The following SET variants were observed in gnomAD, a reference collection of about 807,000 sequenced individuals.
The protein encoded by SET is protein SET.
Under a neutral mutation model 39.0 loss-of-function variants are expected in SET, and 4 were observed. That is an observed-to-expected ratio of 0.10 (90% CI 0.05 to 0.23). The LOEUF (loss-of-function observed/expected upper bound fraction) is 0.23. Ranked by LOEUF, SET falls within the 10% of genes least tolerant of loss-of-function variation. The pLI is 1.00. For missense variants in SET, 137 were observed against 329.7 expected, an observed-to-expected ratio of 0.42 and a Z score of 4.53; for synonymous variants, 114 against 115.9, an observed-to-expected ratio of 0.98 and a Z score of 0.11.
intron 3 of SET, chr9:128,692,282 C>G: frequency 3.2e-6 from 1 of 312,006 alleles, no homozygotes; most frequent in Non-Finnish European, 5.9e-6. Context: ...CCCAGCTACT[C>G]GCTACTTGGG....
rs1311290908 is a variant in SET at position 128,693,645 on chromosome 9, C to T, written c.500C>T (p.Thr167Met). 32 of 1,609,414 alleles carry T rather than the reference C, an allele frequency of 2.0e-5. No individual in the cohort carries two copies. The highest frequency in any genetic ancestry group is 4.4e-5 in the South Asian group (4 of 90,330). The change falls in exon 6 of 8, where the codon ACG becomes ATG. Residue 167 changes from threonine to methionine, a missense_variant. Thr to Met is a moderately conservative substitution (Grantham distance 81, BLOSUM62 -1). This residue lies in a region of SET where 59 missense variants were observed against 237.2 expected (regional missense o/e 0.25). Coordinates refer to ENST00000322030, the MANE Select transcript of SET (RefSeq NM_003011.4). ...CTTCCGGTATTCATTTAGGATTTGA[C>T]GAAACGTTCGAGTCAAACGCAGAAT... Reference protein sequence around the residue: ...EIKWKSGKDLTKRSSQTQNKA... With the variant: ...EIKWKSGKDLMKRSSQTQNKA...
At chr9:128,690,417 A>T (rs1026251209) in intron 1 of SET, 4 of 152,444 alleles carry the variant, frequency 2.6e-5, no homozygotes, top group Admixed American at 2.6e-4. Flanking sequence ...TGGCCCTTTC[A>T]CACCCACTTA....
intron 1 of SET, 169 bp from the exon 2 acceptor site, chr9:128,690,997 TTTAA>T (rs1426293699): frequency 1.3e-5 from 9 of 687,424 alleles, no homozygotes; most frequent in Middle Eastern, 2.6e-4. Flanking sequence ...TAAATGGTCT[TTTAA>T]TTAATTAAAA....
chr9:128,689,965 C>T (rs770143967), intron 1 of SET: 3 of 895,928 alleles, frequency 3.3e-6, no homozygotes, highest in Non-Finnish European at 4.0e-6. Flanking sequence ...TCCCGAGAAG[C>T]CTCTCTTTAT....
At chr9:128,683,923 C>T (rs944533515) in exon 1 of SET, 1 of 1,554,922 alleles carries the variant, frequency 6.4e-7, no homozygotes, top group Non-Finnish European at 8.7e-7. Context: ...GTCTCCACTC[C>T]CGCCTCAAAA....
In SET at chr9:128,689,278, T is replaced by G; in HGVS notation, c.-305T>G. 1 of 1,007,934 alleles carries G rather than the reference T, an allele frequency of 9.9e-7. No homozygotes were observed. Among genetic ancestry groups the G allele is most frequent in the Non-Finnish European group, 1.2e-6 (1 of 844,464 alleles). 62.4% of individuals were successfully genotyped at this position (1,007,934 alleles called of 1,614,324 possible). On this transcript the variant is annotated 5_prime_UTR_variant, in exon 1 of 8. Coordinates refer to ENST00000322030, the MANE Select transcript of SET (RefSeq NM_003011.4). Reference sequence around the variant, plus strand: ...CGGCTCGGGAGAGCGAGCAGCGAGCTGGCTGGATCGCCGAGCGCGAGTGAG... The same window carrying G: ...CGGCTCGGGAGAGCGAGCAGCGAGCGGGCTGGATCGCCGAGCGCGAGTGAG...
intron 3 of SET, chr9:128,692,397 CAAAA>C (rs58637669): frequency 6.8e-4 from 52 of 76,208 alleles, no homozygotes; most frequent in South Asian, 3.2e-3. Context: ...GAGACTGTTT[CAAAA>C]AAAAAAAAAA....
At position 128,692,738 on chromosome 9, in the gene SET, T is replaced by C. The variant is rs1479848893; in HGVS notation, c.351T>C (p.Asp117=). ...GAGTTGAAGTGACAGAATTTGAAGA[T>C]ATTAAATCAGGTTACAGAATAGATT... ...LTRVEVTEFE[D]IKSGYRIDFY... The change falls in exon 4 of 8, where the codon GAT becomes GAC. Residue 117 remains aspartate, a synonymous_variant. Transcript: ENST00000322030. 1.2e-6 allele frequency: 2 copies of C among 1,609,084 alleles called. No individual in the cohort carries two copies. The highest frequency in any genetic ancestry group is 2.2e-5 in the East Asian group (1 of 44,844).
At position 128,693,880 on chromosome 9, in the gene SET, C is replaced by T. The variant is rs529813543; in HGVS notation, c.664-16C>T. On this transcript the variant is annotated splice_polypyrimidine_tract_variant and intron_variant, in intron 6 of 7. Transcript: ENST00000322030. ...TTTAAAAATGAGTCCTTATATTGTG[C>T]TTTTTTTTTTTTAAGGTTCCCGATA... 600 of 1,288,808 alleles carry T rather than the reference C, an allele frequency of 4.7e-4. No homozygotes were observed. Among genetic ancestry groups the T allele is most frequent in the Non-Finnish European group, 5.9e-4 (550 of 937,744 alleles). 79.8% of individuals were successfully genotyped at this position (1,288,808 alleles called of 1,614,324 possible). A position where few individuals can be genotyped will look rare whatever the true frequency, so the allele number is the denominator to read the frequency against.
chr9:128,683,893 A>G (rs1861198268), exon 1 of SET: 1 of 1,550,308 alleles, frequency 6.5e-7, no homozygotes, highest in East Asian at 2.4e-5. Flanking sequence ...CTTCCCTAAC[A>G]GCATGGCCCC....
At chr9:128,685,361 G>C, upstream of SET, 1 of 680,198 alleles carries the variant, frequency 1.5e-6, no homozygotes, top group Non-Finnish European at 2.5e-6. Flanking sequence ...GTGCATTTGT[G>C]CGCAGCAAAA....
At chr9:128,693,529 A>G in intron 5 of SET, 109 bp from the exon 6 acceptor site, 6 of 1,131,234 alleles carry the variant, frequency 5.3e-6, no homozygotes, top group Non-Finnish European at 7.4e-6. Flanking sequence ...TAGATAGTAT[A>G]CTGATATTTG....
rs1050141642 is a variant in SET at position 128,689,980 on chromosome 9, C to T, written c.73+325C>T. 22 of 964,030 alleles carry T rather than the reference C, an allele frequency of 2.3e-5. No homozygotes were observed. The Admixed American group carries it at 6.8e-4, about 30-fold the overall frequency. The allele number at this position is 964,030 out of a possible 1,614,324, so 59.7% of individuals were successfully genotyped here. On this transcript the variant is annotated intron_variant, in intron 1 of 7. Transcript: ENST00000322030. ...TCCCGAGAAGCCTCTCTTTATTGTG[C>T]TCCGCCATGATGCCTCGCTCCCATC...
chr9:128,690,668 C>T (rs555073730), intron 1 of SET: 68 of 166,862 alleles, frequency 4.1e-4, no homozygotes, highest in Admixed American at 1.8e-3. Flanking sequence ...ACTTTCCAGT[C>T]TTTGTAGGCG....
intron 1 of SET, chr9:128,689,953 C>A: frequency 1.6e-6 from 1 of 641,840 alleles, no homozygotes; most frequent in Non-Finnish European, 1.9e-6. Flanking sequence ...CCCCTCCCTC[C>A]CTCCCGAGAA....
chr9:128,684,268 G>T (rs150836669), upstream of SET, among the ~76,000 whole-genome samples: 456 of 152,112 alleles, frequency 3.0e-3, 7 homozygotes, highest in East Asian at 0.034. Context: ...TTCCTCCTCT[G>T]GGGCTCCCTT....
upstream of SET, among the ~76,000 whole-genome samples, chr9:128,685,820 T>G (rs2132235440): frequency 6.6e-6 from 1 of 152,112 alleles, no homozygotes; most frequent in East Asian, 1.9e-4. Context: ...TCACCTGAGG[T>G]CAGAAGTTCA....
intron 5 of SET, among the ~76,000 whole-genome samples, 160 bp from the exon 6 acceptor site, chr9:128,693,478 C>T (rs1352290403): frequency 6.6e-6 from 1 of 152,166 alleles, no homozygotes; most frequent in African/African-American, 2.4e-5. Context: ...CCTCTACCTG[C>T]TGCACAGTTT....
upstream of SET, among the ~76,000 whole-genome samples, chr9:128,687,999 C>T (rs1052447930): frequency 2.6e-5 from 4 of 152,146 alleles, no homozygotes; most frequent in Non-Finnish European, 5.9e-5. Flanking sequence ...AGTGGATCAC[C>T]CCAGGTCAGT....
Sources: allele counts gnomAD v4.1 joint callset (sites outside exome capture counted in the v4.1 genomes callset), GRCh38; gene constraint gnomAD v4.1.1; regional missense constraint gnomAD v4.1.1; transcripts MANE v1.5; gene names NCBI Gene and HGNC (gene_info 2026-07-23, HGNC 2026-07-21).